The following SYT9 variants were observed in gnomAD, a reference collection of about 807,000 sequenced individuals.
SYT9 encodes the protein synaptotagmin-9.
A neutral mutation model predicts 48.4 loss-of-function variants in SYT9; 22 were observed. That is an observed-to-expected ratio of 0.45 (90% confidence interval 0.32 to 0.65). The LOEUF (loss-of-function observed/expected upper bound fraction) is 0.65. SYT9 is among the 30% of genes least tolerant of loss of function. The probability of loss-of-function intolerance (pLI) is 0.03; values close to 1 mark genes in which losing one functional copy is unlikely to be tolerated. For synonymous variants in SYT9, 265 were observed against 245.0 expected (o/e 1.08, Z -0.76); for missense variants, 577 against 622.0 (o/e 0.93, Z 0.77).
chr11:7,399,060 T>C (rs1846823025), intron 3 of SYT9, among the ~76,000 whole-genome samples: 1 of 152,160 alleles, frequency 6.6e-6, no homozygotes, highest in African/African-American at 2.4e-5. Context: ...AAAAATATTA[T>C]GGAAAATGTC....
At chr11:7,377,636 C>A (rs1850478420) in intron 3 of SYT9, among the ~76,000 whole-genome samples, 1 of 152,146 alleles carries the variant, frequency 6.6e-6, no homozygotes, top group African/African-American at 2.4e-5. Flanking sequence ...CATCTCTTGG[C>A]CCTTCCACAA....
chr11:7,459,739 T>C (rs893095834), intron 6 of SYT9, among the ~76,000 whole-genome samples: 10 of 152,096 alleles, frequency 6.6e-5, no homozygotes, highest in African/African-American at 2.2e-4. Context: ...AGTGTCCTTA[T>C]AGGAAAGCCA....
At chr11:7,288,586 G>A (rs915747411) in intron 1 of SYT9, among the ~76,000 whole-genome samples, 1 of 151,652 alleles carries the variant, frequency 6.6e-6, no homozygotes, top group African/African-American at 2.4e-5. Flanking sequence ...GTCCCCCATT[G>A]GGGATATGGT....
At chr11:7,349,444 G>A (rs1192482201) in intron 3 of SYT9, among the ~76,000 whole-genome samples, 2 of 149,728 alleles carry the variant, frequency 1.3e-5, no homozygotes, top group African/African-American at 2.5e-5. Flanking sequence ...AATAAGACTT[G>A]GAGACAACAG....
At chr11:7,243,709 G>A (rs1207884213) in intron 1 of SYT9, among the ~76,000 whole-genome samples, 1 of 152,124 alleles carries the variant, frequency 6.6e-6, no homozygotes, top group Non-Finnish European at 1.5e-5. Flanking sequence ...GGGGATGGGG[G>A]AGGTTTGCTG....
At chr11:7,364,379 T>C (rs1850202674) in intron 3 of SYT9, among the ~76,000 whole-genome samples, 4 of 152,192 alleles carry the variant, frequency 2.6e-5, no homozygotes, top group African/African-American at 9.6e-5. Context: ...GTAGGCCTGG[T>C]CAATCAATAC....
chr11:7,382,199 A>T (rs770400325), intron 3 of SYT9, among the ~76,000 whole-genome samples: 2 of 152,232 alleles, frequency 1.3e-5, no homozygotes, highest in African/African-American at 4.8e-5. Flanking sequence ...ATCCTGCCCA[A>T]TGGTCTCACT....
intron 3 of SYT9, among the ~76,000 whole-genome samples, chr11:7,364,426 A>G (rs1054451590): frequency 3.9e-5 from 6 of 152,216 alleles, no homozygotes; most frequent in Non-Finnish European, 8.8e-5. Flanking sequence ...TGTTAGGGAC[A>G]TATTTCTAAT....
chr11:7,445,481 C>G (rs1847909592), intron 6 of SYT9, among the ~76,000 whole-genome samples: 1 of 152,130 alleles, frequency 6.6e-6, no homozygotes, highest in South Asian at 2.1e-4. Flanking sequence ...TACCCCTCCT[C>G]CCTGACCCTA....
chr11:7,290,107 G>A (rs1564849204), intron 1 of SYT9, among the ~76,000 whole-genome samples: 1 of 152,180 alleles, frequency 6.6e-6, no homozygotes, highest in Admixed American at 6.5e-5. Context: ...TTGGAACAAA[G>A]TCTGTGCTTT....
At chr11:7,245,065 C>T (rs935069632) in intron 1 of SYT9, among the ~76,000 whole-genome samples, 9 of 152,194 alleles carry the variant, frequency 5.9e-5, no homozygotes, top group South Asian at 2.1e-4. Context: ...ATAAAGATAC[C>T]GGATATTTGT....
At chr11:7,403,864 C>CCT (rs1209993659) in intron 3 of SYT9, among the ~76,000 whole-genome samples, 16 of 152,054 alleles carry the variant, frequency 1.1e-4, no homozygotes, top group Non-Finnish European at 2.4e-4. Context: ...TTTAGGTATT[C>CCT]AAATCTCTGA....
chr11:7,458,799 G>A (rs979360938), intron 6 of SYT9, among the ~76,000 whole-genome samples: 1 of 152,170 alleles, frequency 6.6e-6, no homozygotes, highest in African/African-American at 2.4e-5. Flanking sequence ...AGGTAACAGC[G>A]GGCAGAGCTC....
chr11:7,269,082 G>A (rs1487775411), intron 1 of SYT9, among the ~76,000 whole-genome samples: 1 of 151,998 alleles, frequency 6.6e-6, no homozygotes, highest in East Asian at 1.9e-4. Flanking sequence ...TTACTGATTA[G>A]TATTCCATTA....
chr11:7,328,141 C>G (rs999976139), intron 3 of SYT9, among the ~76,000 whole-genome samples: 7 of 151,302 alleles, frequency 4.6e-5, no homozygotes, highest in Admixed American at 4.6e-4. Context: ...TTGTATATTT[C>G]TATTTTTTTA....
intron 3 of SYT9, among the ~76,000 whole-genome samples, chr11:7,360,861 A>T (rs1008448634): frequency 6.6e-6 from 1 of 152,174 alleles, no homozygotes; most frequent in Non-Finnish European, 1.5e-5. Context: ...TGGGTTTTAA[A>T]TAACTGATTT....
intron 3 of SYT9, among the ~76,000 whole-genome samples, chr11:7,353,500 T>C (rs1477877890): frequency 6.6e-6 from 1 of 152,244 alleles, no homozygotes. Context: ...TAAGTTCTAC[T>C]GGTGCAGTAC....
intron 6 of SYT9, among the ~76,000 whole-genome samples, chr11:7,453,113 G>A (rs892584441): frequency 4.6e-5 from 7 of 151,938 alleles, no homozygotes; most frequent in Middle Eastern, 3.4e-3. Context: ...AAATGAGGCC[G>A]GGCACCGTGG....
chr11:7,322,082 G>A (rs528580112), intron 3 of SYT9, among the ~76,000 whole-genome samples: 30 of 152,208 alleles, frequency 2.0e-4, no homozygotes, highest in Admixed American at 3.3e-4. Context: ...TTAACAACTC[G>A]TTGTGGGGCA....
Sources: gnomAD v4.1 joint callset for allele counts (sites outside exome capture counted in the v4.1 genomes callset) on GRCh38, gnomAD v4.1.1 for gene constraint, MANE v1.5 for transcripts, NCBI Gene and HGNC (gene_info 2026-07-23, HGNC 2026-07-21) for gene names.